Variants in DAB2 observed in about 807,000 individuals in gnomAD.
DAB2 encodes DAB adaptor protein 2.
A neutral mutation model predicts 71.6 loss-of-function variants in DAB2; 28 were observed. The observed-to-expected ratio is 0.39, with a 90% CI of 0.29 to 0.54. The LOEUF is 0.54. Among genes scored for constraint, DAB2 ranks in the 20% least tolerant of loss-of-function variants. The probability of loss-of-function intolerance (pLI) is 0.68; values close to 1 mark genes in which losing one functional copy is unlikely to be tolerated. For missense variants in DAB2, 867 were observed against 928.8 expected (o/e 0.93, Z 0.86); for synonymous variants, 345 against 339.7 (o/e 1.02, Z -0.17).
At chr5:39,383,908 GC>G (rs1755038163) in intron 9 of DAB2, among the ~76,000 whole-genome samples, 1 of 152,062 alleles carries the variant, frequency 6.6e-6, no homozygotes, top group South Asian at 2.1e-4. Context: ...TTATATCACG[GC>G]CTTCAGGTAT....
intron 5 of DAB2, 27 bp downstream of exon 5, chr5:39,390,417 A>G: frequency 6.2e-7 from 1 of 1,608,056 alleles, no homozygotes; most frequent in South Asian, 1.1e-5. Flanking sequence ...ACAAGTCCCC[A>G]GGTCTATGTC....
At chr5:39,378,521 A>T (rs1379170296) in intron 11 of DAB2, among the ~76,000 whole-genome samples, 1 of 152,214 alleles carries the variant, frequency 6.6e-6, no homozygotes, top group Non-Finnish European at 1.5e-5. Context: ...GCACAAGATT[A>T]TATCTTCGAG....
Position 39,382,845 on chromosome 5 carries a change from G to C in DAB2, c.1114C>G (p.Gln372Glu), listed in dbSNP as rs757391390. ...CCATTTTGAGTTCTCACTGCTGGCT[G>C]GGTTTGCGAACTTGAAAAGGGCCAT... ...GPWPFSSSQT[Q>E]PAVRTQNGVS... Residue 372 changes from glutamine (Q) to glutamate (E), a missense_variant, in exon 10 of 15, where the codon CAG becomes GAG. Around this residue, in one of 2 missense-constraint regions of DAB2, gnomAD observed 740 missense variants for 734.3 expected, o/e 1.01. Coordinates refer to ENST00000320816, the MANE Select transcript of DAB2 (RefSeq NM_001343.4). 6.2e-7 allele frequency: 1 copy of C among 1,614,120 alleles called. No homozygotes were observed. Among genetic ancestry groups the C allele is most frequent in the East Asian group, 2.2e-5 (1 of 44,874 alleles).
At chr5:39,374,413 A>C (rs917304522) in intron 14 of DAB2, among the ~76,000 whole-genome samples, 7 of 152,196 alleles carry the variant, frequency 4.6e-5, no homozygotes, top group African/African-American at 1.7e-4. Flanking sequence ...CTAATCACTT[A>C]TCTAAGATAA....
At position 39,422,789 on chromosome 5, in the gene DAB2, C is replaced by A. The variant is rs182695096; in HGVS notation, c.-102+2015G>T. ...TAAAAGCCGTACCCTTCAACCCAAA[C>A]AAGGCCAGTGAAATCCATTCAACCT... On this transcript the variant is annotated intron_variant, in intron 1 of 14. Transcript: ENST00000320816. This position sits in a 1 kb window ranked among gnomAD's most constrained non-coding sequence, Gnocchi z 4.1. Among the ~76,000 whole-genome samples the A allele has an allele frequency of 6.6e-6, 1 of 152,306 alleles. No homozygotes were observed. Among genetic ancestry groups the A allele is most frequent in the Admixed American group, 6.5e-5 (1 of 15,306 alleles).
At chr5:39,398,267 A>G (rs565282594) in intron 1 of DAB2, among the ~76,000 whole-genome samples, 1 of 152,196 alleles carries the variant, frequency 6.6e-6, no homozygotes, top group African/African-American at 2.4e-5. Context: ...GTAACACAAG[A>G]CGTAGCTGAA....
rs531659043 is a variant in DAB2 at position 39,421,453 on chromosome 5, T to C, written c.-102+3351A>G. Among the ~76,000 whole-genome samples, 11 of 152,282 alleles carry C rather than the reference T, an allele frequency of 7.2e-5. No homozygotes were observed. In the South Asian group the frequency reaches 2.3e-3, roughly 32 times the overall value. On this transcript the variant is annotated intron_variant, in intron 1 of 14. Coordinates refer to ENST00000320816, the MANE Select transcript of DAB2 (RefSeq NM_001343.4). The stretch of plus-strand genomic sequence containing the variant: ...AGCAAGCTGAAGTACAGAGAGGTTA[T>C]GGAATGTGCCCAAGGCCATGTAACC...
intron 5 of DAB2, 87 bp from the exon 6 acceptor site, chr5:39,390,019 AT>A (rs34356831): frequency 4.2e-3 from 3,684 of 869,500 alleles, no homozygotes; most frequent in Admixed American, 6.1e-3. Context: ...TCATACTGGG[AT>A]TTTTTTTTTA....
At chr5:39,390,314 G>A (rs1173864064) in intron 5 of DAB2, 130 bp downstream of exon 5, 3 of 1,169,560 alleles carry the variant, frequency 2.6e-6, no homozygotes, top group East Asian at 2.4e-5. Context: ...AATAAAAATA[G>A]TCATTCTCGG....
chr5:39,398,883 G>T (rs1755437545), intron 1 of DAB2, among the ~76,000 whole-genome samples: 1 of 152,154 alleles, frequency 6.6e-6, no homozygotes, highest in Non-Finnish European at 1.5e-5. Context: ...CATCTGTAGA[G>T]AATAATTGGT....
At chr5:39,381,283 A>G (rs1754974302) in intron 11 of DAB2, among the ~76,000 whole-genome samples, 171 bp downstream of exon 11, 1 of 152,214 alleles carries the variant, frequency 6.6e-6, no homozygotes. Flanking sequence ...TTACAAGTCA[A>G]GAATATCAAA....
intron 14 of DAB2, 91 bp downstream of exon 14, chr5:39,374,923 C>A (rs1579896182): frequency 1.2e-6 from 1 of 833,798 alleles, no homozygotes; most frequent in East Asian, 2.4e-5. Context: ...TACCCTCTTC[C>A]CAATTCTAAA....
intron 1 of DAB2, among the ~76,000 whole-genome samples, chr5:39,397,197 C>G (rs1025911888): frequency 1.3e-5 from 2 of 152,192 alleles, no homozygotes; most frequent in Non-Finnish European, 2.9e-5. Context: ...TTAACACTTG[C>G]AGAACTAGTC....
In DAB2 at chr5:39,394,420, A is replaced by C; in HGVS notation, c.-100T>G. On this transcript the variant is annotated splice_region_variant and 5_prime_UTR_variant, in exon 2 of 15. Transcript: ENST00000320816. ...CAAATAAACATAACCTCCCACAGACACCTGTAGGCAGAGTTTAGAGGCATA... is the reference window on the plus strand; with the variant it reads ...CAAATAAACATAACCTCCCACAGACCCCTGTAGGCAGAGTTTAGAGGCATA... 1.2e-6 allele frequency: 1 copy of C among 864,918 alleles called. No individual in the cohort carries two copies. Among genetic ancestry groups the C allele is most frequent in the Non-Finnish European group, 2.0e-6 (1 of 509,174 alleles). 53.6% of individuals were successfully genotyped at this position (864,918 alleles called of 1,614,324 possible). A position where few individuals can be genotyped will look rare whatever the true frequency, so the allele number is the denominator to read the frequency against.
intron 7 of DAB2, 45 bp downstream of exon 7, chr5:39,389,052 G>T (rs376272610): frequency 2.5e-6 from 4 of 1,589,224 alleles, no homozygotes; most frequent in Non-Finnish European, 2.6e-6. Context: ...AGGGGCTTAC[G>T]CATGTCACAC....
chr5:39,405,041 A>C (rs1349402840), intron 1 of DAB2, among the ~76,000 whole-genome samples: 1 of 152,370 alleles, frequency 6.6e-6, no homozygotes, highest in East Asian at 1.9e-4. Context: ...AAAGTTGGAA[A>C]AAATAGAAAG....
chr5:39,417,964 GCAAC>G (rs761968782), intron 1 of DAB2: 2 of 152,120 alleles, frequency 1.3e-5, no homozygotes. Flanking sequence ...CTCCTTACTA[GCAAC>G]CAACAATTGA....
At chr5:39,390,607 A>T in intron 4 of DAB2, 32 bp from the exon 5 acceptor site, 5 of 1,554,254 alleles carry the variant, frequency 3.2e-6, no homozygotes, top group Non-Finnish European at 4.4e-6. Flanking sequence ...TAATTTATTA[A>T]GAAAACTAGA....
At chr5:39,388,952 A>G (rs565132373) in intron 7 of DAB2, 100 bp from the exon 8 acceptor site, 9 of 1,302,534 alleles carry the variant, frequency 6.9e-6, no homozygotes, top group African/African-American at 2.9e-5. Flanking sequence ...TTTTGGTATC[A>G]TCTTTTAACT....
Sources: gnomAD v4.1 joint callset for allele counts (sites outside exome capture counted in the v4.1 genomes callset) on GRCh38, gnomAD v4.1.1 for gene constraint, gnomAD v4.1.1 regional missense constraint, Gnocchi (gnomAD v3.1) non-coding constraint, MANE v1.5 for transcripts, NCBI Gene and HGNC (gene_info 2026-07-23, HGNC 2026-07-21) for gene names.